ADGRD2: variants seen among roughly 807,000 people sequenced by gnomAD.
ADGRD2 encodes the protein adhesion G protein-coupled receptor D2.
ADGRD2 carries 71 observed loss-of-function variants against 44.4 expected under a neutral mutation model. That is an observed-to-expected ratio of 1.60 (90% CI 1.32 to 1.95). The LOEUF (loss-of-function observed/expected upper bound fraction) is 1.95. Among genes scored for constraint, ADGRD2 ranks in the 30% most tolerant of loss-of-function variants. The probability of loss-of-function intolerance (pLI) is 0.00; values close to 1 mark genes in which losing one functional copy is unlikely to be tolerated. For synonymous variants in ADGRD2, 481 were observed against 224.8 expected, an observed-to-expected ratio of 2.14 and a Z score of -10.19; for missense variants, 1,039 against 512.4, an observed-to-expected ratio of 2.03 and a Z score of -9.92.
rs1017049558 is a variant in ADGRD2 at position 124,468,202 on chromosome 9, G to A, written c.2233+12G>A. The A allele has an allele frequency of 2.8e-5, 20 of 718,248 alleles. No homozygotes were observed. The highest frequency in any genetic ancestry group is 4.9e-5 in the Non-Finnish European group (19 of 385,106). The allele number at this position is 718,248 out of a possible 1,614,324, so 44.5% of individuals were successfully genotyped here. On this transcript the variant is annotated intron_variant, in intron 13 of 21. Coordinates refer to ENST00000334810, the Ensembl canonical transcript of ADGRD2. ...CCAAGGCCAATGAGGTGGGCAGCCA[G>A]TGGGTGGGCTGGAAGCCCGGGGAAG...
chr9:124,451,860 C>T (rs1221738714), upstream of ADGRD2, among the ~76,000 whole-genome samples: 4 of 152,298 alleles, frequency 2.6e-5, no homozygotes, highest in Non-Finnish European at 4.4e-5. Context: ...CTAAGGGTGA[C>T]CCCTCTTACT....
In ADGRD2 at chr9:124,453,981, C is replaced by A; in HGVS notation, c.924-18C>A. On this transcript the variant is annotated intron_variant, in intron 3 of 21. Transcript: ENST00000334810. ...AGGGTCCCCTAGGGAGCCCTGACAG[C>A]TCCCCTGCCCCTGCCAGTGCCCTCC... is the stretch of plus-strand genomic sequence containing the variant. 1 of 656,052 alleles carries A rather than the reference C, an allele frequency of 1.5e-6. No individual in the cohort carries two copies. The highest frequency in any genetic ancestry group is 1.7e-5 in the South Asian group (1 of 57,714). 40.6% of individuals were successfully genotyped at this position (656,052 alleles called of 1,614,324 possible).
chr9:124,475,779 G>A (rs180995570), intron 19 of ADGRD2, 164 bp downstream of exon 22: 137 of 545,186 alleles, frequency 2.5e-4, no homozygotes, highest in Admixed American at 9.9e-4. Context: ...CCATAGCCTT[G>A]GCTCCACCCC....
intron 21 of ADGRD2, among the ~76,000 whole-genome samples, chr9:124,477,394 G>A (rs993287199): frequency 6.6e-6 from 1 of 152,354 alleles, no homozygotes; most frequent in Non-Finnish European, 1.5e-5. Flanking sequence ...TGTTTCCAGC[G>A]AAGGCAAGAG....
At chr9:124,459,333 A>G (rs1333673512) in intron 10 of ADGRD2, among the ~76,000 whole-genome samples, 1 of 152,056 alleles carries the variant, frequency 6.6e-6, no homozygotes, top group African/African-American at 2.4e-5. Context: ...CTCTACTAAA[A>G]ATACACAAAA....
At chr9:124,466,353 C>T (rs373807450) in exon 11 of ADGRD2, 28 of 717,548 alleles carry the variant, frequency 3.9e-5, no homozygotes, top group Non-Finnish European at 6.5e-5. Flanking sequence ...TGGACTCCAC[C>T]GCCTGCTTCT....
chr9:124,458,130 G>A (rs775933748), exon 9 of ADGRD2: 19 of 718,358 alleles, frequency 2.6e-5, no homozygotes, highest in Non-Finnish European at 4.4e-5. Flanking sequence ...TGGAGTCACC[G>A]TGATCCACAG....
At chr9:124,471,301 C>T (rs1223513115) in intron 17 of ADGRD2, among the ~76,000 whole-genome samples, 2 of 152,118 alleles carry the variant, frequency 1.3e-5, no homozygotes, top group African/African-American at 4.8e-5. Context: ...CCTGCACCTC[C>T]TGCTCCCTGC....
upstream of ADGRD2, among the ~76,000 whole-genome samples, chr9:124,450,876 C>A (rs933211761): frequency 6.6e-6 from 1 of 152,200 alleles, no homozygotes; most frequent in African/African-American, 2.4e-5. Context: ...GTCAGGACAC[C>A]GTGTTTTCTC....
At chr9:124,457,236 A>G (rs1337527576) in intron 7 of ADGRD2, among the ~76,000 whole-genome samples, 1 of 152,074 alleles carries the variant, frequency 6.6e-6, no homozygotes, top group Admixed American at 6.5e-5. Context: ...GTTTCTGGTG[A>G]CTCATCAATA....
exon 3 of ADGRD2, chr9:124,453,067 G>A: frequency 1.5e-6 from 1 of 676,574 alleles, no homozygotes; most frequent in South Asian, 1.6e-5. Context: ...GGTGTTCGAC[G>A]AGAGGACGGC....
At chr9:124,452,598 G>A (rs546001514) in exon 2 of ADGRD2, 44 of 718,400 alleles carry the variant, frequency 6.1e-5, no homozygotes, top group South Asian at 3.5e-4. Flanking sequence ...AGGCCCAAGA[G>A]TCCTGCGAGC....
At chr9:124,470,380 C>T (rs528362800) in intron 16 of ADGRD2, 114 bp from the exon 20 acceptor site, 14 of 611,396 alleles carry the variant, frequency 2.3e-5, no homozygotes, top group Admixed American at 2.0e-4. Flanking sequence ...GCCATGGTCC[C>T]GGCCCTCAGC....
At chr9:124,452,827 G>C (rs1370399117) in intron 2 of ADGRD2, 105 bp downstream of exon 5, 1 of 633,416 alleles carries the variant, frequency 1.6e-6, no homozygotes, top group Non-Finnish European at 2.9e-6. Flanking sequence ...CCGGGAGTAA[G>C]ACCCCATTGC....
chr9:124,459,356 T>A (rs552700533), intron 10 of ADGRD2, among the ~76,000 whole-genome samples: 2 of 152,202 alleles, frequency 1.3e-5, no homozygotes, highest in East Asian at 3.9e-4. Context: ...TAGCCAGGCA[T>A]GGTGGTACAC....
At chr9:124,469,200 G>A (rs1231423143) in intron 14 of ADGRD2, 22 bp from the exon 18 acceptor site, 16 of 702,036 alleles carry the variant, frequency 2.3e-5, no homozygotes, top group Admixed American at 1.0e-4. Context: ...CCAGCCTTGA[G>A]GCCCCCTTCT....
At chr9:124,452,321 T>C (rs1055158941) in intron 1 of ADGRD2, 167 bp downstream of exon 4, 2 of 637,996 alleles carry the variant, frequency 3.1e-6, no homozygotes, top group Non-Finnish European at 2.9e-6. Context: ...TTCCGTCTCA[T>C]TCCTGCCATT....
intron 11 of ADGRD2, chr9:124,467,008 C>G (rs1001394748): frequency 6.6e-6 from 1 of 152,598 alleles, no homozygotes; most frequent in South Asian, 2.1e-4. Context: ...GAGGGGCACA[C>G]TACAAAAACA....
At chr9:124,452,017 C>CCCAAA, upstream of ADGRD2, 3 of 563,666 alleles carry the variant, frequency 5.3e-6, no homozygotes, top group Non-Finnish European at 6.7e-6. Context: ...CACCCACCCC[C>CCCAAA]AGAGTAGGCA....
Sources: gnomAD v4.1 joint callset for allele counts (sites outside exome capture counted in the v4.1 genomes callset) on GRCh38, gnomAD v4.1.1 for gene constraint, MANE v1.5 for transcripts, NCBI Gene and HGNC (gene_info 2026-07-23, HGNC 2026-07-21) for gene names.